FAM78B: variants seen among roughly 807,000 people sequenced by gnomAD.
The protein encoded by FAM78B is protein FAM78B.
A neutral mutation model predicts 20.0 loss-of-function variants in FAM78B; 10 were observed. That is an observed-to-expected ratio of 0.50 (90% CI 0.31 to 0.85). FAM78B has a LOEUF of 0.85. FAM78B is among the 40% of genes least tolerant of loss of function. FAM78B has a pLI of 0.05. For missense variants in FAM78B, 283 were observed against 345.0 expected (o/e 0.82, Z 1.42); for synonymous variants, 135 against 132.8 (o/e 1.02, Z -0.12).
At position 166,089,520 on chromosome 1, in the gene FAM78B, G is replaced by C. The variant is rs189235398; in HGVS notation, c.264-18757C>G. 9.3e-4 allele frequency among the ~76,000 whole-genome samples: 142 copies of C among 152,262 alleles called. 1 individual carries two copies. Among genetic ancestry groups the C allele is most frequent in the Middle Eastern group, 6.8e-3 (2 of 292 alleles). On this transcript the variant is annotated intron_variant, in intron 1 of 1. Coordinates refer to ENST00000354422, the MANE Select transcript of FAM78B (RefSeq NM_001017961.5). ...GAAAAAGCAGAGGGCTCTAGGAAGT[G>C]AAAGAATGGGTCAGGAGGAAGACCT...
rs992798082 is a variant in FAM78B at position 166,166,796 on chromosome 1, G to A, written c.-548C>T. ...CGCACCCAGCGGCGGGCGAGCGGGC[G>A]GCCCAAGAGGCAGGCGGAGGCAGCA... On this transcript the variant is annotated 5_prime_UTR_variant, in exon 1 of 2. Transcript: ENST00000354422. 1 of 150,276 alleles carries A rather than the reference G, an allele frequency of 6.7e-6. No homozygotes were observed. The highest frequency in any genetic ancestry group is 6.6e-5 in the Admixed American group (1 of 15,040). 9.3% of individuals were successfully genotyped at this position (150,276 alleles called of 1,614,324 possible). A position where few individuals can be genotyped will look rare whatever the true frequency, so the allele number is the denominator to read the frequency against.
intron 1 of FAM78B, among the ~76,000 whole-genome samples, chr1:166,101,848 A>G (rs1653533923): frequency 6.6e-6 from 1 of 152,142 alleles, no homozygotes; most frequent in African/African-American, 2.4e-5. Flanking sequence ...AAATTCAGGA[A>G]ATACAGAGAA....
At chr1:166,065,186 T>C (rs1220229150), downstream of FAM78B, among the ~76,000 whole-genome samples, 1 of 152,222 alleles carries the variant, frequency 6.6e-6, no homozygotes, top group Non-Finnish European at 1.5e-5. Flanking sequence ...TGCCTGCATT[T>C]AACCAGGGAG....
At chr1:166,153,882 T>A (rs1011794472) in intron 1 of FAM78B, among the ~76,000 whole-genome samples, 3 of 152,186 alleles carry the variant, frequency 2.0e-5, no homozygotes, top group African/African-American at 7.2e-5. Context: ...AAATGGGGTG[T>A]TGCCTAGACC....
intron 1 of FAM78B, among the ~76,000 whole-genome samples, chr1:166,165,711 T>C (rs1656343712): frequency 1.3e-5 from 2 of 152,024 alleles, no homozygotes; most frequent in Non-Finnish European, 2.9e-5. Flanking sequence ...TCTCGAACCC[T>C]CCTTGTCGCG....
chr1:166,103,735 C>G (rs1051244677), intron 1 of FAM78B, among the ~76,000 whole-genome samples: 1 of 152,070 alleles, frequency 6.6e-6, no homozygotes, highest in Non-Finnish European at 1.5e-5. Flanking sequence ...AAAAAAAGTC[C>G]AGGTCCAGAT....
intron 1 of FAM78B, among the ~76,000 whole-genome samples, chr1:166,102,756 A>C (rs10918352): frequency 6.6e-6 from 1 of 151,856 alleles, no homozygotes; most frequent in Admixed American, 6.6e-5. Flanking sequence ...CACAATAATA[A>C]CGGGAGACAT....
At chr1:166,144,291 G>A (rs1179347313) in intron 1 of FAM78B, among the ~76,000 whole-genome samples, 1 of 151,902 alleles carries the variant, frequency 6.6e-6, no homozygotes, top group Non-Finnish European at 1.5e-5. Context: ...GGGAGTGGTG[G>A]TGGGGGGGTG....
At chr1:166,144,360 GA>G (rs1655384353) in intron 1 of FAM78B, among the ~76,000 whole-genome samples, 1 of 152,188 alleles carries the variant, frequency 6.6e-6, no homozygotes, top group South Asian at 2.1e-4. Context: ...TCACAGGAAT[GA>G]AATCAACAGA....
chr1:166,103,794 T>G (rs570381684), intron 1 of FAM78B, among the ~76,000 whole-genome samples: 1 of 152,316 alleles, frequency 6.6e-6, no homozygotes, highest in South Asian at 2.1e-4. Context: ...ACTGGTACCA[T>G]TCCTTCTGAA....
chr1:166,125,901 A>G (rs7531357), intron 1 of FAM78B, among the ~76,000 whole-genome samples: 149,808 of 149,820 alleles, frequency 1, 74,898 homozygotes, highest in Middle Eastern at 1. Context: ...GCGCGATCTC[A>G]GCTCACTGCA....
At chr1:166,090,963 T>C (rs1485167403) in intron 1 of FAM78B, among the ~76,000 whole-genome samples, 3 of 152,138 alleles carry the variant, frequency 2.0e-5, no homozygotes, top group Non-Finnish European at 4.4e-5. Flanking sequence ...ATTTCCATTT[T>C]AAAGTTGGGG....
intron 1 of FAM78B, among the ~76,000 whole-genome samples, chr1:166,088,437 G>A (rs1291673851): frequency 1.3e-5 from 2 of 152,134 alleles, no homozygotes; most frequent in Non-Finnish European, 2.9e-5. Flanking sequence ...AAGAGCACTG[G>A]GTTTGGACTC....
rs1291018569 is a variant in FAM78B, at chr1:166,166,139, G to A, written c.110C>T (p.Thr37Ile). Residue 37 changes from threonine to isoleucine, a missense_variant, in exon 1 of 2, where the codon ACC becomes ATC. Thr to Ile is a moderately conservative substitution (Grantham distance 89, BLOSUM62 -1). Transcript: ENST00000354422. ...IDQCPTRIEE[T>I]SPIVLRYKTP... The stretch of plus-strand genomic sequence containing the variant: ...CTTGTAGCGCAGGACGATGGGCGAG[G>A]TCTCCTCGATGCGCGTGGGGCACTG... The A allele has an allele frequency of 3.7e-6, 6 of 1,608,692 alleles. No individual in the cohort carries two copies. In the East Asian group the frequency reaches 6.7e-5, roughly 18 times the overall value.
At position 166,077,793 on chromosome 1, in the gene FAM78B, AATT is replaced by A. The variant is rs1308514327; in HGVS notation, c.264-7033_264-7031del. 3.0e-5 allele frequency among the ~76,000 whole-genome samples: 4 copies of A among 135,244 alleles called. No homozygotes were observed. In the East Asian group the frequency reaches 8.0e-4, roughly 27 times the overall value. The allele number at this position is 135,244 out of a possible 152,430, so 88.7% of individuals were successfully genotyped here. A position where few individuals can be genotyped will look rare whatever the true frequency, so the allele number is the denominator to read the frequency against. Reference sequence around the variant, plus strand: ...TGAATTATATATAATAAATACATATAATTATATATATTTATATGTAGATTATAT... The same window carrying A: ...TGAATTATATATAATAAATACATATAATATATATTTATATGTAGATTATAT... On this transcript the variant is annotated intron_variant, in intron 1 of 1. Coordinates refer to ENST00000354422, the MANE Select transcript of FAM78B (RefSeq NM_001017961.5).
rs141820436 is a variant in FAM78B, at chr1:166,138,192, G to A, written c.263+27794C>T. Reference sequence around the variant, plus strand: ...TGGGTTTCTGGGACTTCAGTTGGTGGTTTCCTCATGTCTGTCTCCTACTTC... The same window carrying A: ...TGGGTTTCTGGGACTTCAGTTGGTGATTTCCTCATGTCTGTCTCCTACTTC... On this transcript the variant is annotated intron_variant, in intron 1 of 1. Transcript: ENST00000354422. 1.2e-4 allele frequency among the ~76,000 whole-genome samples: 18 copies of A among 152,164 alleles called. No individual in the cohort carries two copies. The East Asian group carries it at 3.5e-3, about 29-fold the overall frequency.
intron 1 of FAM78B, among the ~76,000 whole-genome samples, chr1:166,084,157 T>C (rs2101727326): frequency 6.6e-6 from 1 of 151,522 alleles, no homozygotes; most frequent in South Asian, 2.1e-4. Context: ...ACCTACTTTG[T>C]TCTTAACATT....
intron 1 of FAM78B, among the ~76,000 whole-genome samples, chr1:166,089,778 C>T (rs1009316259): frequency 6.6e-6 from 1 of 152,146 alleles, no homozygotes; most frequent in Non-Finnish European, 1.5e-5. Flanking sequence ...GGTGGCCCTG[C>T]ACTCCAGATG....
In FAM78B at chr1:166,103,553, T is replaced by C. The variant is rs541197903; in HGVS notation, c.264-32790A>G. ...ACGATCCCACAGAAATACAAACTAC[T>C]GTCAGAGAATACTATAAACACCTCT... On this transcript the variant is annotated intron_variant, in intron 1 of 1. Transcript: ENST00000354422. Among the ~76,000 whole-genome samples the C allele has an allele frequency of 5.6e-3, 845 of 152,098 alleles. 3 individuals are homozygous for C. Among genetic ancestry groups the C allele is most frequent in the Non-Finnish European group, 9.8e-3 (664 of 67,946 alleles).
Sources: gnomAD v4.1 joint callset for allele counts (sites outside exome capture counted in the v4.1 genomes callset) on GRCh38, gnomAD v4.1.1 for gene constraint, MANE v1.5 for transcripts, NCBI Gene and HGNC (gene_info 2026-07-23, HGNC 2026-07-21) for gene names.